The following RAD51B variants were observed in gnomAD, a reference collection of about 807,000 sequenced individuals.
RAD51B encodes DNA repair protein RAD51 homolog 2.
Under a neutral mutation model 42.2 loss-of-function variants are expected in RAD51B, and 38 were observed. The observed-to-expected ratio is 0.90, with a 90% CI of 0.70 to 1.18. RAD51B has a LOEUF of 1.18. RAD51B is among the 50% of genes most tolerant of loss of function. The probability of loss-of-function intolerance (pLI) is 0.00; values close to 1 mark genes in which losing one functional copy is unlikely to be tolerated. For synonymous variants in RAD51B, 154 were observed against 145.2 expected (o/e 1.06, Z -0.43); for missense variants, 373 against 400.7 (o/e 0.93, Z 0.59).
At chr14:67,857,548 A>G (rs1242780813) in intron 4 of RAD51B, among the ~76,000 whole-genome samples, 2 of 152,212 alleles carry the variant, frequency 1.3e-5, no homozygotes, top group Non-Finnish European at 2.9e-5. Flanking sequence ...AATATTTCCA[A>G]ATATATCATC....
At chr14:68,097,766 CAA>C (rs1327430477) in intron 7 of RAD51B, among the ~76,000 whole-genome samples, 1 of 152,152 alleles carries the variant, frequency 6.6e-6, no homozygotes, top group Non-Finnish European at 1.5e-5. Context: ...ACAAAGTTAT[CAA>C]AATGTTATTC....
At position 68,281,152 on chromosome 14, in the gene RAD51B, T is replaced by C. The variant is rs2081313413; in HGVS notation, c.757-10732T>C. Among the ~76,000 whole-genome samples, 3 of 152,100 alleles carry C rather than the reference T, an allele frequency of 2.0e-5. No homozygotes were observed. In the South Asian group the frequency reaches 6.3e-4, roughly 32 times the overall value. Reference sequence around the variant, plus strand: ...AGGGCTAGAATAGTTAGCAAAGATATCATGGAAAAGGTAGGATTTGAACTG... The same window carrying C: ...AGGGCTAGAATAGTTAGCAAAGATACCATGGAAAAGGTAGGATTTGAACTG... On this transcript the variant is annotated intron_variant, in intron 7 of 10. Transcript: ENST00000471583.
chr14:68,176,459 A>C (rs1441849658), intron 7 of RAD51B, among the ~76,000 whole-genome samples: 1 of 152,178 alleles, frequency 6.6e-6, no homozygotes. Context: ...GAAATAGTGG[A>C]TCAGAAAATT....
chr14:67,835,025 A>C, intron 3 of RAD51B, 55 bp from the exon 4 acceptor site: 13 of 1,334,324 alleles, frequency 9.7e-6, no homozygotes, highest in Non-Finnish European at 1.4e-5. Flanking sequence ...AAGTTGGTTT[A>C]TGTTTTTGAA....
downstream of RAD51B, among the ~76,000 whole-genome samples, chr14:68,480,213 C>T (rs1883063285): frequency 6.6e-6 from 1 of 152,096 alleles, no homozygotes; most frequent in Non-Finnish European, 1.5e-5. Flanking sequence ...GCCAGGATTA[C>T]AGGCATGTGC....
At chr14:68,642,789 G>T (rs1185032613) in intron 10 of RAD51B, among the ~76,000 whole-genome samples, 3 of 152,096 alleles carry the variant, frequency 2.0e-5, no homozygotes, top group Non-Finnish European at 4.4e-5. Context: ...CACAAATTTT[G>T]TTAAGTTATA....
chr14:68,041,326 A>G (rs2076214057), intron 7 of RAD51B, among the ~76,000 whole-genome samples: 1 of 152,152 alleles, frequency 6.6e-6, no homozygotes, highest in Admixed American at 6.5e-5. Context: ...AGTTCTTTAT[A>G]GCAGTGTGAG....
chr14:68,624,533 C>A (rs1892028487), intron 10 of RAD51B, among the ~76,000 whole-genome samples: 1 of 152,172 alleles, frequency 6.6e-6, no homozygotes, highest in Non-Finnish European at 1.5e-5. Flanking sequence ...ATCCCCCTAA[C>A]CGCAGTTCCC....
intron 7 of RAD51B, among the ~76,000 whole-genome samples, chr14:68,195,598 A>T (rs986771604): frequency 6.6e-6 from 1 of 152,168 alleles, no homozygotes; most frequent in Non-Finnish European, 1.5e-5. Flanking sequence ...AGTATCATGC[A>T]TTTTGATATT....
At chr14:68,157,301 A>C (rs990884217) in intron 7 of RAD51B, among the ~76,000 whole-genome samples, 69 of 152,212 alleles carry the variant, frequency 4.5e-4, no homozygotes, top group Non-Finnish European at 1.2e-4. Context: ...TTAAAAGTTC[A>C]CTTAATACAA....
chr14:68,079,034 G>A (rs1304028378), intron 7 of RAD51B, among the ~76,000 whole-genome samples: 1 of 152,088 alleles, frequency 6.6e-6, no homozygotes, highest in Non-Finnish European at 1.5e-5. Flanking sequence ...CCCTGGATTT[G>A]TTTTAAATAG....
chr14:68,544,019 T>C (rs1888098210), intron 10 of RAD51B, among the ~76,000 whole-genome samples: 1 of 152,240 alleles, frequency 6.6e-6, no homozygotes, highest in Non-Finnish European at 1.5e-5. Context: ...AGAATTTCAA[T>C]GGTATTTGGC....
At chr14:68,066,630 A>ACAT (rs2076654091) in intron 7 of RAD51B, among the ~76,000 whole-genome samples, 1 of 152,204 alleles carries the variant, frequency 6.6e-6, no homozygotes, top group African/African-American at 2.4e-5. Context: ...TATGATAAAA[A>ACAT]CATTTATAAA....
intron 7 of RAD51B, among the ~76,000 whole-genome samples, chr14:68,041,389 A>G (rs530731722): frequency 1.3e-5 from 2 of 152,312 alleles, no homozygotes; most frequent in African/African-American, 4.8e-5. Flanking sequence ...TCTTCATGCC[A>G]TGCTATTCTG....
At chr14:67,961,721 AT>A (rs566438397) in intron 7 of RAD51B, among the ~76,000 whole-genome samples, 3 of 151,012 alleles carry the variant, frequency 2.0e-5, no homozygotes, top group Non-Finnish European at 3.0e-5. Context: ...TTTTCTCAGT[AT>A]TTTTTTTTCT....
chr14:68,152,697 C>G (rs1172019518), intron 7 of RAD51B, among the ~76,000 whole-genome samples: 1 of 149,620 alleles, frequency 6.7e-6, no homozygotes, highest in African/African-American at 2.5e-5. Context: ...TATTTCATTA[C>G]CTAGGTACTA....
chr14:68,014,477 A>T (rs951923377), intron 7 of RAD51B, among the ~76,000 whole-genome samples: 1 of 152,122 alleles, frequency 6.6e-6, no homozygotes, highest in Non-Finnish European at 1.5e-5. Flanking sequence ...TAGCAAGTAC[A>T]AGTTACCAGA....
At chr14:68,035,000 G>T (rs1317509670) in intron 7 of RAD51B, among the ~76,000 whole-genome samples, 2 of 152,138 alleles carry the variant, frequency 1.3e-5, no homozygotes, top group African/African-American at 2.4e-5. Context: ...ATATATACCA[G>T]ATGTGTACTG....
intron 7 of RAD51B, among the ~76,000 whole-genome samples, chr14:68,136,050 G>T (rs2588832): frequency 0.69 from 105,685 of 152,086 alleles, 39,479 homozygotes; most frequent in East Asian, 0.89. Flanking sequence ...GTATAAATGA[G>T]ACACTTTTCC....
Sources: gnomAD v4.1 joint callset for allele counts (sites outside exome capture counted in the v4.1 genomes callset) on GRCh38, gnomAD v4.1.1 for gene constraint, MANE v1.5 for transcripts, NCBI Gene and HGNC (gene_info 2026-07-23, HGNC 2026-07-21) for gene names.